The following EPB41L4B variants were observed in gnomAD, a reference collection of about 807,000 sequenced individuals.
EPB41L4B encodes band 4.1-like protein 4B.
EPB41L4B carries 30 observed loss-of-function variants against 112.5 expected under a neutral mutation model. The observed-to-expected ratio is 0.27, with a 90% CI of 0.20 to 0.36. The LOEUF (loss-of-function observed/expected upper bound fraction) is 0.36. EPB41L4B is among the 10% of genes least tolerant of loss of function. The pLI is 1.00. For missense variants in EPB41L4B, 1,024 were observed against 1,133.3 expected (o/e 0.90, Z 1.38); for synonymous variants, 408 against 439.7 (o/e 0.93, Z 0.90).
In EPB41L4B at chr9:109,320,397, T is replaced by C. The variant is rs887618417; in HGVS notation, c.50A>G (p.Tyr17Cys). Residue 17 changes from tyrosine to cysteine, a missense_variant, in exon 1 of 26, where the codon TAC (tyrosine) becomes TGC (cysteine). Physicochemically the swap from Tyr to Cys is radical, Grantham distance 194. Coordinates refer to ENST00000374566, the MANE Select transcript of EPB41L4B (RefSeq NM_019114.5). ...RTFGRRSMQR[Y>C]ARGAAGRGAA... The stretch of plus-strand genomic sequence containing the variant: ...CCCGCGCCCCGCCGCGCCCCGCGCG[T>C]AGCGCTGCATGGAGCGGCGGCCAAA... 1.0e-6 allele frequency: 1 copy of C among 981,072 alleles called. No homozygotes were observed. Among genetic ancestry groups the C allele is most frequent in the Non-Finnish European group, 1.2e-6 (1 of 828,982 alleles). 60.8% of individuals were successfully genotyped at this position (981,072 alleles called of 1,614,324 possible).
chr9:109,218,126 CTTTTTTTTTT>C (rs10654240), intron 15 of EPB41L4B, among the ~76,000 whole-genome samples: 1 of 106,556 alleles, frequency 9.4e-6, no homozygotes, highest in Non-Finnish European at 1.8e-5. Flanking sequence ...ACTAATAATT[CTTTTTTTTTT>C]TTTTTTTTTG....
chr9:109,260,410 CTTTTTTTTTTT>C (rs35040371), intron 6 of EPB41L4B, among the ~76,000 whole-genome samples: 3 of 102,504 alleles, frequency 2.9e-5, no homozygotes, highest in Non-Finnish European at 5.7e-5. Context: ...TCAATTGTAT[CTTTTTTTTTTT>C]TTTTTTTTTT....
chr9:109,228,893 T>C (rs975084510), intron 15 of EPB41L4B, among the ~76,000 whole-genome samples: 3 of 152,218 alleles, frequency 2.0e-5, no homozygotes, highest in Non-Finnish European at 2.9e-5. Flanking sequence ...TTTCGGATTA[T>C]CTATGCTTTC....
rs188589902 is a variant in EPB41L4B, at chr9:109,198,388, C to T, written c.2045+1848G>A. Among the ~76,000 whole-genome samples, 6 of 152,272 alleles carry T rather than the reference C, an allele frequency of 3.9e-5. No homozygotes were observed. In the East Asian group the frequency reaches 1.2e-3, roughly 29 times the overall value. ...CTCTCATGTTAAGCCCCACAAAACT[C>T]CTCAGAGGCAGGTATTATCTCATCC... On this transcript the variant is annotated intron_variant, in intron 20 of 25. Transcript: ENST00000374566.
At chr9:109,193,816 C>A (rs926549366) in intron 21 of EPB41L4B, among the ~76,000 whole-genome samples, 41 of 152,296 alleles carry the variant, frequency 2.7e-4, no homozygotes, top group African/African-American at 9.6e-4. Flanking sequence ...CTAACACCGG[C>A]TATATGACAT....
chr9:109,212,086 C>A (rs1360825460), intron 17 of EPB41L4B, among the ~76,000 whole-genome samples: 1 of 152,078 alleles, frequency 6.6e-6, no homozygotes, highest in Non-Finnish European at 1.5e-5. Flanking sequence ...GCTCGATAAC[C>A]CACAGGTGTC....
At chr9:109,291,125 G>A (rs1836509668) in intron 1 of EPB41L4B, among the ~76,000 whole-genome samples, 1 of 152,036 alleles carries the variant, frequency 6.6e-6, no homozygotes, top group African/African-American at 2.4e-5. Context: ...TGAGCCTCAG[G>A]GAAATTACAT....
At chr9:109,219,391 C>T (rs1320888688) in intron 15 of EPB41L4B, among the ~76,000 whole-genome samples, 4 of 152,252 alleles carry the variant, frequency 2.6e-5, no homozygotes, top group South Asian at 2.1e-4. Flanking sequence ...GATGGAGTCT[C>T]GCTCTGTCGC....
At chr9:109,258,701 T>G (rs1835074700) in intron 6 of EPB41L4B, among the ~76,000 whole-genome samples, 1 of 152,122 alleles carries the variant, frequency 6.6e-6, no homozygotes, top group Admixed American at 6.6e-5. Context: ...GAGCAGCACT[T>G]CAGGGTCTGC....
chr9:109,296,959 C>T (rs961930178), intron 1 of EPB41L4B, among the ~76,000 whole-genome samples: 10 of 151,968 alleles, frequency 6.6e-5, no homozygotes, highest in Admixed American at 6.6e-4. Flanking sequence ...TCACACCCCC[C>T]ACCCCAAATT....
chr9:109,218,229 A>G (rs4978784), intron 15 of EPB41L4B, among the ~76,000 whole-genome samples: 18,308 of 148,514 alleles, frequency 0.12, 1,194 homozygotes, highest in East Asian at 0.19. Context: ...AGGCTCAAGC[A>G]ATTCTCATGC....
intron 1 of EPB41L4B, 141 bp downstream of exon 1, chr9:109,320,000 G>A (rs775249578): frequency 1.2e-5 from 8 of 689,964 alleles, no homozygotes; most frequent in Non-Finnish European, 1.6e-5. Context: ...AAAAAGGGTT[G>A]AGGAGTGCTC....
chr9:109,221,128 T>G (rs898743211), intron 15 of EPB41L4B, among the ~76,000 whole-genome samples: 3 of 152,170 alleles, frequency 2.0e-5, no homozygotes, highest in African/African-American at 7.2e-5. Flanking sequence ...TCTCAGATAC[T>G]GTGCTAGCTA....
chr9:109,193,505 G>C (rs1221548161), intron 21 of EPB41L4B, among the ~76,000 whole-genome samples: 1 of 152,236 alleles, frequency 6.6e-6, no homozygotes, highest in Non-Finnish European at 1.5e-5. Flanking sequence ...CTTATGAATG[G>C]AAGAGCTGGG....
chr9:109,303,057 G>A (rs2119227569), intron 1 of EPB41L4B, among the ~76,000 whole-genome samples: 1 of 150,150 alleles, frequency 6.7e-6, no homozygotes, highest in African/African-American at 2.4e-5. Flanking sequence ...CTCTAGCCTG[G>A]GTGACTGACT....
At chr9:109,319,994 A>T in intron 1 of EPB41L4B, 147 bp downstream of exon 1, 3 of 616,710 alleles carry the variant, frequency 4.9e-6, no homozygotes, top group Non-Finnish European at 7.0e-6. Context: ...AAGAAGAAAA[A>T]GGGTTGAGGA....
intron 15 of EPB41L4B, among the ~76,000 whole-genome samples, chr9:109,218,807 C>T (rs1833477138): frequency 6.6e-6 from 1 of 152,160 alleles, no homozygotes. Context: ...GCCTTTAAGA[C>T]CCAGATAAAG....
At chr9:109,292,795 A>G (rs1459108186) in intron 1 of EPB41L4B, among the ~76,000 whole-genome samples, 1 of 152,134 alleles carries the variant, frequency 6.6e-6, no homozygotes, top group African/African-American at 2.4e-5. Context: ...ACCCAATCAA[A>G]TATGGTGTTA....
intron 13 of EPB41L4B, among the ~76,000 whole-genome samples, chr9:109,249,849 G>C (rs979718837): frequency 6.6e-6 from 1 of 152,180 alleles, no homozygotes; most frequent in Non-Finnish European, 1.5e-5. Flanking sequence ...GGACCCCTGA[G>C]CCCCTTCATC....
Sources: gnomAD v4.1 joint callset for allele counts (sites outside exome capture counted in the v4.1 genomes callset) on GRCh38, gnomAD v4.1.1 for gene constraint, MANE v1.5 for transcripts, NCBI Gene and HGNC (gene_info 2026-07-23, HGNC 2026-07-21) for gene names.